Variants in DGKB observed in about 807,000 individuals in gnomAD.
DGKB encodes diacylglycerol kinase beta.
Under a neutral mutation model 114.3 loss-of-function variants are expected in DGKB, and 67 were observed. The observed-to-expected ratio is 0.59, with a 90% CI of 0.48 to 0.72. DGKB has a LOEUF of 0.72. Ranked by LOEUF, DGKB falls within the 30% of genes least tolerant of loss-of-function variation. The probability of loss-of-function intolerance (pLI) is 0.00; values close to 1 mark genes in which losing one functional copy is unlikely to be tolerated. For synonymous variants in DGKB, 398 were observed against 323.1 expected, an observed-to-expected ratio of 1.23 and a Z score of -2.49; for missense variants, 907 against 975.2, an observed-to-expected ratio of 0.93 and a Z score of 0.93.
At chr7:14,641,240 GGGA>G in intron 13 of DGKB, among the ~76,000 whole-genome samples, 1 of 23,660 alleles carries the variant, frequency 4.2e-5, no homozygotes, top group African/African-American at 1.2e-4. Context: ...TTACAATATA[GGGA>G]TTTGGTTTAC....
Position 14,148,242 on chromosome 7 carries a change from A to G in DGKB, c.*889T>C, listed in dbSNP as rs1275863467. On this transcript the variant is annotated 3_prime_UTR_variant, in exon 26 of 26. Transcript: ENST00000402815. ...TTTTAGTCATCACAAAATTAATCAC[A>G]GGAACCCTAAATTTGCTCCACAATG... 6.6e-6 allele frequency: 1 copy of G among 152,630 alleles called. No individual in the cohort carries two copies. Among genetic ancestry groups the G allele is most frequent in the Admixed American group, 6.6e-5 (1 of 15,264 alleles). 9.5% of individuals were successfully genotyped at this position (152,630 alleles called of 1,614,324 possible).
chr7:14,415,413 C>G (rs985265733), intron 21 of DGKB, among the ~76,000 whole-genome samples: 2 of 151,270 alleles, frequency 1.3e-5, no homozygotes, highest in Non-Finnish European at 2.9e-5. Context: ...AATGCTATCC[C>G]TCCCCACTCC....
Position 14,208,368 on chromosome 7 carries a change from T to G in DGKB, c.2123-30217A>C, listed in dbSNP as rs142297580. 2.1e-4 allele frequency among the ~76,000 whole-genome samples: 32 copies of G among 152,140 alleles called. No homozygotes were observed. In the East Asian group the frequency reaches 6.0e-3, roughly 29 times the overall value. Reference sequence around the variant, plus strand: ...GCAGTATTAGAAGGCCTTAAAAACTTGAAGAAAACAAAGACCAGTCTAGGA... The same window carrying G: ...GCAGTATTAGAAGGCCTTAAAAACTGGAAGAAAACAAAGACCAGTCTAGGA... On this transcript the variant is annotated intron_variant, in intron 23 of 25. Transcript: ENST00000402815.
intron 17 of DGKB, among the ~76,000 whole-genome samples, chr7:14,587,333 C>G (rs913966435): frequency 1.3e-5 from 2 of 152,002 alleles, no homozygotes; most frequent in African/African-American, 4.8e-5. Flanking sequence ...GCCGCAATCT[C>G]ATCATATTTG....
intron 25 of DGKB, among the ~76,000 whole-genome samples, chr7:14,154,211 T>A (rs375770504): frequency 3.0e-4 from 44 of 147,580 alleles, no homozygotes; most frequent in African/African-American, 1.0e-3. Context: ...AAAAATGAGA[T>A]CTATTGTAAG....
intron 13 of DGKB, among the ~76,000 whole-genome samples, chr7:14,666,337 G>A (rs1220702937): frequency 2.6e-5 from 4 of 152,096 alleles, no homozygotes; most frequent in East Asian, 3.9e-4. Flanking sequence ...GAGAAACTGA[G>A]AAGGGCTAAA....
At chr7:14,470,434 G>C (rs533780760) in intron 21 of DGKB, among the ~76,000 whole-genome samples, 1 of 151,806 alleles carries the variant, frequency 6.6e-6, no homozygotes, top group Non-Finnish European at 1.5e-5. Flanking sequence ...TGAGGCAAAA[G>C]TGAGGTCAAA....
At chr7:14,782,165 T>C (rs1180738627) in intron 2 of DGKB, among the ~76,000 whole-genome samples, 2 of 152,070 alleles carry the variant, frequency 1.3e-5, no homozygotes, top group African/African-American at 2.4e-5. Flanking sequence ...ACTGGGACTA[T>C]AGGCCTGTGC....
At chr7:14,279,159 C>G (rs1006595710) in intron 23 of DGKB, among the ~76,000 whole-genome samples, 5 of 152,222 alleles carry the variant, frequency 3.3e-5, no homozygotes, top group Non-Finnish European at 5.9e-5. Flanking sequence ...CACCCGAATA[C>G]TGCGCTTTTC....
intron 21 of DGKB, among the ~76,000 whole-genome samples, chr7:14,455,462 A>G (rs1832143354): frequency 6.6e-6 from 1 of 152,028 alleles, no homozygotes; most frequent in South Asian, 2.1e-4. Context: ...TTACCATAAC[A>G]TTATTTATGC....
chr7:14,903,017 G>T (rs1200184920), upstream of DGKB: 3 of 151,822 alleles, frequency 2.0e-5, no homozygotes, highest in African/African-American at 4.8e-5. Flanking sequence ...CTCCTCTATC[G>T]CGTCCACCCC....
intron 23 of DGKB, among the ~76,000 whole-genome samples, chr7:14,237,904 T>C (rs1301788954): frequency 1.3e-5 from 2 of 152,074 alleles, no homozygotes; most frequent in Non-Finnish European, 2.9e-5. Flanking sequence ...ATCAATAATC[T>C]TGTCCCTAGT....
chr7:14,956,758 T>C (rs36898), intron 1 of DGKB, among the ~76,000 whole-genome samples: 149,809 of 152,040 alleles, frequency 0.99, 73,813 homozygotes, highest in East Asian at 1. Context: ...ATGAGTGCAA[T>C]GGAGCAGATG....
At chr7:14,485,683 G>A (rs1783695391) in intron 20 of DGKB, among the ~76,000 whole-genome samples, 1 of 151,806 alleles carries the variant, frequency 6.6e-6, no homozygotes, top group South Asian at 2.1e-4. Context: ...CAGATCACTT[G>A]AGACCAGCCT....
At chr7:14,822,854 T>C (rs1296632532) in intron 2 of DGKB, among the ~76,000 whole-genome samples, 1 of 152,084 alleles carries the variant, frequency 6.6e-6, no homozygotes, top group African/African-American at 2.4e-5. Flanking sequence ...AGACTTGAAC[T>C]TCTGATTATG....
At chr7:14,695,891 G>C (rs1021730135) in intron 8 of DGKB, among the ~76,000 whole-genome samples, 1 of 151,984 alleles carries the variant, frequency 6.6e-6, no homozygotes, top group African/African-American at 2.4e-5. Context: ...TGAAGCCTTA[G>C]GCAAGATGAC....
chr7:14,582,792 C>T (rs946923283), intron 18 of DGKB, among the ~76,000 whole-genome samples: 2 of 152,068 alleles, frequency 1.3e-5, no homozygotes, highest in Non-Finnish European at 2.9e-5. Context: ...TTTCCTAGAG[C>T]CCCTGAAAAC....
intron 21 of DGKB, among the ~76,000 whole-genome samples, chr7:14,419,459 C>A (rs1431003608): frequency 6.6e-6 from 1 of 151,708 alleles, no homozygotes; most frequent in Non-Finnish European, 1.5e-5. Flanking sequence ...TCCTTTTGGG[C>A]TTTTAGTTAC....
At chr7:14,643,694 C>G (rs1329363941) in intron 13 of DGKB, among the ~76,000 whole-genome samples, 2 of 152,120 alleles carry the variant, frequency 1.3e-5, no homozygotes, top group African/African-American at 4.8e-5. Context: ...GCTTGAGAGC[C>G]ACCTGTCTTA....
Sources: allele counts gnomAD v4.1 joint callset (sites outside exome capture counted in the v4.1 genomes callset), GRCh38; gene constraint gnomAD v4.1.1; transcripts MANE v1.5; gene names NCBI Gene and HGNC (gene_info 2026-07-23, HGNC 2026-07-21).